The following FHIT variants were observed in gnomAD, a reference collection of about 807,000 sequenced individuals.
FHIT encodes fragile histidine triad diadenosine triphosphatase, also known as bis(5'-adenosyl)-triphosphatase.
FHIT carries 19 observed loss-of-function variants against 17.9 expected under a neutral mutation model. The observed-to-expected ratio is 1.06, with a 90% CI of 0.74 to 1.56. The LOEUF is 1.56. Among genes scored for constraint, FHIT ranks in the 40% most tolerant of loss-of-function variants. FHIT has a pLI of 0.00. For synonymous variants in FHIT, 81 were observed against 69.7 expected, an observed-to-expected ratio of 1.16 and a Z score of -0.81; for missense variants, 248 against 189.2, an observed-to-expected ratio of 1.31 and a Z score of -1.82.
chr3:61,065,013 A>G (rs2034553466), intron 2 of FHIT, among the ~76,000 whole-genome samples: 1 of 152,146 alleles, frequency 6.6e-6, no homozygotes. Flanking sequence ...GCAAATCCAA[A>G]TGACAGAGCA....
intron 3 of FHIT, among the ~76,000 whole-genome samples, chr3:60,946,009 G>A (rs1387143392): frequency 6.6e-6 from 1 of 152,160 alleles, no homozygotes; most frequent in Non-Finnish European, 1.5e-5. Context: ...CTGAATGAGG[G>A]TCATAGTTTT....
At chr3:59,876,925 T>C (rs1489675021) in intron 8 of FHIT, among the ~76,000 whole-genome samples, 5 of 152,174 alleles carry the variant, frequency 3.3e-5, no homozygotes, top group Non-Finnish European at 7.3e-5. Context: ...ATTCACATGC[T>C]CAGCTAGCTG....
intron 3 of FHIT, among the ~76,000 whole-genome samples, chr3:60,893,201 C>G (rs1553761079): frequency 6.6e-6 from 1 of 152,124 alleles, no homozygotes; most frequent in African/African-American, 2.4e-5. Flanking sequence ...GAAGAAACTC[C>G]AGGAACCAGC....
intron 4 of FHIT, among the ~76,000 whole-genome samples, chr3:60,642,480 C>A (rs1243841161): frequency 6.6e-6 from 1 of 152,214 alleles, no homozygotes; most frequent in Non-Finnish European, 1.5e-5. Flanking sequence ...TTTACCCACA[C>A]ACACACACCC....
chr3:60,948,594 G>A lies in FHIT; in HGVS notation c.-111+93453C>T, dbSNP rs545548850. 5.3e-5 allele frequency among the ~76,000 whole-genome samples: 8 copies of A among 152,250 alleles called. No homozygotes were observed. The South Asian group carries it at 1.7e-3, about 32-fold the overall frequency. The stretch of plus-strand genomic sequence containing the variant: ...GGACAAGAAGACTCAAAACAGAGTA[G>A]GTGAATGGATTGCTTAAAGTCCATC... On this transcript the variant is annotated intron_variant, in intron 3 of 9. Transcript: ENST00000492590.
intron 5 of FHIT, among the ~76,000 whole-genome samples, chr3:60,460,977 A>C (rs967721209): frequency 6.6e-6 from 1 of 152,208 alleles, no homozygotes; most frequent in African/African-American, 2.4e-5. Flanking sequence ...AATATATTTT[A>C]AGGTTAAGTT....
At chr3:60,638,379 A>G (rs143407979) in intron 4 of FHIT, among the ~76,000 whole-genome samples, 1 of 152,332 alleles carries the variant, frequency 6.6e-6, no homozygotes, top group African/African-American at 2.4e-5. Flanking sequence ...CTTAAAGCTT[A>G]ATTGGAAACT....
chr3:59,977,625 C>T (rs368424904), intron 7 of FHIT, among the ~76,000 whole-genome samples: 9 of 152,244 alleles, frequency 5.9e-5, no homozygotes, highest in Non-Finnish European at 1.2e-4. Flanking sequence ...GAGTCAGCCG[C>T]GTTGCAGTCA....
chr3:61,078,528 C>G (rs753688854), intron 2 of FHIT, among the ~76,000 whole-genome samples: 12 of 152,300 alleles, frequency 7.9e-5, no homozygotes, highest in African/African-American at 2.9e-4. Flanking sequence ...ACCAATGCTT[C>G]ATCCATCACT....
At chr3:59,930,438 C>A (rs570593675) in intron 7 of FHIT, among the ~76,000 whole-genome samples, 1 of 152,122 alleles carries the variant, frequency 6.6e-6, no homozygotes, top group Non-Finnish European at 1.5e-5. Flanking sequence ...GGGTGAGATA[C>A]CAGACAGATA....
intron 5 of FHIT, among the ~76,000 whole-genome samples, chr3:60,365,101 T>A (rs12487526): frequency 6.7e-6 from 1 of 149,206 alleles, no homozygotes; most frequent in Non-Finnish European, 1.5e-5. Context: ...TTATTACATA[T>A]AAACAGAACA....
chr3:60,955,635 C>CATATATATATAAATATATATATACAT, intron 3 of FHIT, among the ~76,000 whole-genome samples: 1 of 48,370 alleles, frequency 2.1e-5, no homozygotes, highest in South Asian at 6.3e-4. Context: ...TATATATATA[C>CATATATATATAAATATATATATACAT]ACACACACAC....
chr3:59,927,111 T>A (rs147547068), intron 7 of FHIT, among the ~76,000 whole-genome samples: 3 of 152,054 alleles, frequency 2.0e-5, no homozygotes, highest in Non-Finnish European at 4.4e-5. Context: ...AAGTGCAGTA[T>A]ATGAAGACAA....
intron 5 of FHIT, among the ~76,000 whole-genome samples, chr3:60,531,274 C>CTTTTTTT (rs5741620): frequency 2.5e-4 from 21 of 83,134 alleles, no homozygotes; most frequent in African/African-American, 1.0e-3. Flanking sequence ...GAAAAGAACT[C>CTTTTTTT]TTTTTTTTTT....
intron 3 of FHIT, among the ~76,000 whole-genome samples, chr3:60,831,903 T>A (rs1383516065): frequency 2.0e-5 from 3 of 152,116 alleles, no homozygotes; most frequent in African/African-American, 4.8e-5. Context: ...CGCTAAGATT[T>A]ATGAGACATG....
chr3:59,862,909 C>T (rs145063892), intron 8 of FHIT, among the ~76,000 whole-genome samples: 8 of 152,182 alleles, frequency 5.3e-5, no homozygotes, highest in African/African-American at 1.2e-4. Context: ...CAAGGGGTGA[C>T]GGGGTAGGAT....
intron 5 of FHIT, among the ~76,000 whole-genome samples, chr3:60,072,959 T>C (rs1049291514): frequency 6.6e-6 from 1 of 152,212 alleles, no homozygotes; most frequent in Non-Finnish European, 1.5e-5. Flanking sequence ...AACAGATGAC[T>C]GCACTGTGTT....
chr3:60,899,543 T>G (rs1705995590), intron 3 of FHIT, among the ~76,000 whole-genome samples: 1 of 152,094 alleles, frequency 6.6e-6, no homozygotes, highest in African/African-American at 2.4e-5. Context: ...TTCATAACGG[T>G]AAAGGCTGCT....
In FHIT at chr3:60,111,571, T is replaced by G. The variant is rs373698765; in HGVS notation, c.104-97419A>C. Reference sequence around the variant, plus strand: ...TGGTGATTTGAGAAATACCTTTCATTTATACTCCATTTTGCACAAATAAAC... The same window carrying G: ...TGGTGATTTGAGAAATACCTTTCATGTATACTCCATTTTGCACAAATAAAC... On this transcript the variant is annotated intron_variant, in intron 5 of 9. Transcript: ENST00000492590. Among the ~76,000 whole-genome samples the G allele has an allele frequency of 5.6e-4, 86 of 152,342 alleles. 2 individuals carry two copies. In the South Asian group the frequency reaches 0.018, roughly 31 times the overall value.
Sources: allele counts gnomAD v4.1 joint callset (sites outside exome capture counted in the v4.1 genomes callset), GRCh38; gene constraint gnomAD v4.1.1; transcripts MANE v1.5; gene names NCBI Gene and HGNC (gene_info 2026-07-23, HGNC 2026-07-21).